The following AARS2 variants were observed in gnomAD, a reference collection of about 807,000 sequenced individuals.
The protein encoded by AARS2 is alanyl-tRNA synthetase 2, mitochondrial.
Under a neutral mutation model 119.7 loss-of-function variants are expected in AARS2, and 78 were observed. That is an observed-to-expected ratio of 0.65 (90% CI 0.54 to 0.79). The LOEUF (loss-of-function observed/expected upper bound fraction) is 0.79. Among genes scored for constraint, AARS2 ranks in the 30% least tolerant of loss-of-function variants. The pLI is 0.00. For synonymous variants in AARS2, 502 were observed against 526.3 expected, an observed-to-expected ratio of 0.95 and a Z score of 0.63; for missense variants, 1,157 against 1,291.3, an observed-to-expected ratio of 0.90 and a Z score of 1.59.
At chr6:44,312,922 C>CT (rs577343374) in intron 1 of AARS2, among the ~76,000 whole-genome samples, 159 bp downstream of exon 1, 6 of 152,304 alleles carry the variant, frequency 3.9e-5, no homozygotes, top group Admixed American at 3.9e-4. Flanking sequence ...TCCCTATACT[C>CT]TGAGCGCCGT....
rs751187394 is a variant in AARS2, at chr6:44,302,486, G to A, written c.2392C>T (p.Gln798Ter). Reference protein sequence around the residue: ...QARELGQSLAQEVKAATERLS... With the variant: ...QARELGQSLA ...CGCTCAGTGGCCGCTTTCACTTCCT[G>A]GGCCAGGCTCTGGCCTAGCTCTCGG... is the stretch of plus-strand genomic sequence containing the variant. Residue 798 changes from glutamine (Q) to a stop codon, truncating the protein, a stop_gained, in exon 18 of 22, where the codon CAG becomes TAG. Transcript: ENST00000244571. LOFTEE classifies it high-confidence loss of function. The A allele has an allele frequency of 2.0e-5, 32 of 1,614,036 alleles. No homozygotes were observed. Among genetic ancestry groups the A allele is most frequent in the Non-Finnish European group, 2.7e-5 (32 of 1,180,048 alleles).
At chr6:44,301,576 C>T in intron 19 of AARS2, 112 bp from the exon 20 acceptor site, 1 of 1,059,998 alleles carries the variant, frequency 9.4e-7, no homozygotes, top group Admixed American at 1.9e-5. Flanking sequence ...CCCCACCCAC[C>T]CCAAAAGTCA....
In AARS2 at chr6:44,310,297, A is replaced by G; in HGVS notation, c.894+2T>C. 1 of 1,593,004 alleles carries G rather than the reference A, an allele frequency of 6.3e-7. No individual in the cohort carries two copies. The highest frequency in any genetic ancestry group is 8.6e-7 in the Non-Finnish European group (1 of 1,169,304). Reference sequence around the variant, plus strand: ...GGCTTCTGGAAGGGAAGAGGCACTCACCTGCTGTATGGCGTTGAGCAGCGG... The same window carrying G: ...GGCTTCTGGAAGGGAAGAGGCACTCGCCTGCTGTATGGCGTTGAGCAGCGG... On this transcript the variant is annotated splice_donor_variant, in intron 5 of 21. Coordinates refer to ENST00000244571, the MANE Select transcript of AARS2 (RefSeq NM_020745.4). LOFTEE classifies it high-confidence loss of function.
At chr6:44,302,731 T>C (rs1785463825) in intron 17 of AARS2, 71 bp downstream of exon 17, 2 of 1,513,670 alleles carry the variant, frequency 1.3e-6, no homozygotes, top group Non-Finnish European at 1.8e-6. Context: ...CCCCTGAGCC[T>C]GAGCATGTCA....
At position 44,305,233 on chromosome 6, in the gene AARS2, G is replaced by T; in HGVS notation, c.1435-35C>A. The T allele has an allele frequency of 6.2e-7, 1 of 1,606,270 alleles. No homozygotes were observed. ...GGGCATGGGCATGGAAGAAGTGCATGGAGAATGAAAGAATGAAAGTGGGAC... is the reference window on the plus strand; with the variant it reads ...GGGCATGGGCATGGAAGAAGTGCATTGAGAATGAAAGAATGAAAGTGGGAC... On this transcript the variant is annotated intron_variant, in intron 10 of 21. Transcript: ENST00000244571. The surrounding 1 kb of genome is among the most constrained non-coding windows in gnomAD (Gnocchi z 4.6).
At position 44,302,152 on chromosome 6, in the gene AARS2, T is replaced by C; in HGVS notation, c.2506A>G (p.Met836Val). The change falls in exon 19 of 22, where the codon ATG becomes GTG. Residue 836 changes from methionine to valine, a missense_variant. Coordinates refer to ENST00000244571, the MANE Select transcript of AARS2 (RefSeq NM_020745.4). Reference protein sequence around the residue: ...RLIEAVETAVMPQWQRRELLA... With the variant: ...RLIEAVETAVVPQWQRRELLA... ...AGCTCCCGCCGCTGCCACTGGGGCA[T>C]CACAGCAGTTTCCACAGCCTATGGC... The C allele has an allele frequency of 6.2e-7, 1 of 1,614,044 alleles. No homozygotes were observed. The highest frequency in any genetic ancestry group is 8.5e-7 in the Non-Finnish European group (1 of 1,180,046).
At chr6:44,304,609 C>T in intron 12 of AARS2, 36 bp downstream of exon 12, 1 of 1,614,196 alleles carries the variant, frequency 6.2e-7, no homozygotes, top group Non-Finnish European at 8.5e-7. Flanking sequence ...GGTCTGCCGC[C>T]CACAGAAATC....
Position 44,305,797 on chromosome 6 carries a change from G to C in AARS2, c.1301-11C>G, listed in dbSNP as rs776436233. ...ACCAGGCCACTTCAGCTTTGAGAAAGAAAGACAAAGAATGTTGAGGAGGGG... is the reference window on the plus strand; with the variant it reads ...ACCAGGCCACTTCAGCTTTGAGAAACAAAGACAAAGAATGTTGAGGAGGGG... On this transcript the variant is annotated splice_polypyrimidine_tract_variant and intron_variant, in intron 9 of 21. Coordinates refer to ENST00000244571, the MANE Select transcript of AARS2 (RefSeq NM_020745.4). This position sits in a 1 kb window ranked among gnomAD's most constrained non-coding sequence, Gnocchi z 4.6. 2 of 1,613,892 alleles carry C rather than the reference G, an allele frequency of 1.2e-6. No individual in the cohort carries two copies. The highest frequency in any genetic ancestry group is 1.3e-5 in the African/African-American group (1 of 74,914).
Position 44,304,954 on chromosome 6 carries a change from T to A in AARS2, c.1579+100A>T, listed in dbSNP as rs535603208. The A allele has an allele frequency of 5.0e-6, 8 of 1,608,478 alleles. No individual in the cohort carries two copies. The Admixed American group carries it at 1.3e-4, about 27-fold the overall frequency. ...GGGCCACAGAGACCCCTGGTGGCCA[T>A]CCTGGGGAATACATAGGGGCTAGCA... On this transcript the variant is annotated intron_variant, in intron 11 of 21. Transcript: ENST00000244571.
Position 44,301,159 on chromosome 6 carries a change from G to A in AARS2, c.2790C>T (p.Ala930=). The A allele has an allele frequency of 6.2e-7, 1 of 1,612,752 alleles. No homozygotes were observed. Among genetic ancestry groups the A allele is most frequent in the Non-Finnish European group, 8.5e-7 (1 of 1,179,478 alleles). The change falls in exon 21 of 22, where the codon GCC becomes GCT. Residue 930 remains alanine, a synonymous_variant. Transcript: ENST00000244571. ...GCTGCTCTCCCACTTCCCTCACCTGGGCCACCTGACAGGCACACAGCACCT... is the reference window on the plus strand; with the variant it reads ...GCTGCTCTCCCACTTCCCTCACCTGAGCCACCTGACAGGCACACAGCACCT... ...MGKVLCACQV[A]QGAMPTFTAE...
chr6:44,301,109 G>C (rs1785315875), intron 21 of AARS2, 47 bp downstream of exon 21: 1 of 1,527,540 alleles, frequency 6.5e-7, no homozygotes, highest in Non-Finnish European at 9.0e-7. Context: ...AGCTGGACCA[G>C]GATGGGTATT....
rs899264217 is a variant in AARS2, at chr6:44,299,317, A to T, written c.*1230T>A. ...GCCTGGAGTGCAGTGGTGCAATCAT[A>T]GCTCACTGCGGCCTTGAATTCCTGG... On this transcript the variant is annotated 3_prime_UTR_variant, in exon 22 of 22. Coordinates refer to ENST00000244571, the MANE Select transcript of AARS2 (RefSeq NM_020745.4). Among the ~76,000 whole-genome samples, 2 of 151,840 alleles carry T rather than the reference A, an allele frequency of 1.3e-5. No homozygotes were observed. The highest frequency in any genetic ancestry group is 4.8e-5 in the African/African-American group (2 of 41,302).
chr6:44,307,552 C>T lies in AARS2; in HGVS notation c.895-158G>A, dbSNP rs753933068. 1.2e-5 allele frequency: 11 copies of T among 903,758 alleles called. No homozygotes were observed. The South Asian group carries it at 1.7e-4, about 14-fold the overall frequency. The allele number at this position is 903,758 out of a possible 1,614,324, so 56.0% of individuals were successfully genotyped here. On this transcript the variant is annotated intron_variant, in intron 5 of 21. Coordinates refer to ENST00000244571, the MANE Select transcript of AARS2 (RefSeq NM_020745.4). The surrounding 1 kb of genome is among the most constrained non-coding windows in gnomAD (Gnocchi z 4.4). The stretch of plus-strand genomic sequence containing the variant: ...GGCTGAGAAGCCTCACAGATGAGCA[C>T]AAGCCAGGCCCTGCCCTCACGGGGC...
chr6:44,299,957 G>C lies in AARS2; in HGVS notation c.*590C>G. The C allele has an allele frequency of 6.5e-6, 1 of 152,948 alleles. No individual in the cohort carries two copies. The highest frequency in any genetic ancestry group is 1.4e-5 in the Non-Finnish European group (1 of 69,834). 9.5% of individuals were successfully genotyped at this position (152,948 alleles called of 1,614,324 possible). The stretch of plus-strand genomic sequence containing the variant: ...AAACTACTCTTTTTTAAAGGTAATA[G>C]AACCTTCTGGAGCTTGCTATCCTCT... On this transcript the variant is annotated 3_prime_UTR_variant, in exon 22 of 22. Transcript: ENST00000244571.
chr6:44,301,789 G>A (rs750031143), intron 19 of AARS2, among the ~76,000 whole-genome samples: 1 of 152,228 alleles, frequency 6.6e-6, no homozygotes, highest in Non-Finnish European at 1.5e-5. Flanking sequence ...CCACAGTGGA[G>A]GTGCAATCAG....
intron 16 of AARS2, 50 bp downstream of exon 16, chr6:44,303,016 G>C (rs1277225607): frequency 1.2e-6 from 2 of 1,608,654 alleles, no homozygotes; most frequent in Non-Finnish European, 1.7e-6. Flanking sequence ...ACCAAGGGAA[G>C]GGCAAGGATC....
At chr6:44,306,186 A>AT in intron 9 of AARS2, 94 bp downstream of exon 9, 1 of 1,164,574 alleles carries the variant, frequency 8.6e-7, no homozygotes, top group South Asian at 1.2e-5. Flanking sequence ...TCAGGGGTGG[A>AT]TATGAGGCAT....
In AARS2 at chr6:44,301,434, G is replaced by A. The variant is rs112247130; in HGVS notation, c.2629C>T (p.Arg877Trp). Reference protein sequence around the residue: ...AAKKTQELLERHSKGPLIVDT... With the variant: ...AAKKTQELLEWHSKGPLIVDT... ...ACAATCAGAGGCCCCTTCGAGTGCC[G>A]CTCCAGCAGCTCCTGAGTTTTCTTT... Residue 877 changes from arginine to tryptophan, a missense_variant, in exon 20 of 22, where the codon CGG (arginine) becomes TGG (tryptophan). By Grantham distance (101) the Arg-to-Trp change is moderately radical. Transcript: ENST00000244571. 2,185 of 1,613,660 alleles carry A rather than the reference G, an allele frequency of 1.4e-3. 31 individuals are homozygous for A. The African/African-American group carries it at 0.025, about 19-fold the overall frequency.
chr6:44,302,144 C>G lies in AARS2; in HGVS notation c.2514G>C (p.Gln838His), dbSNP rs746361792. 8 of 1,614,074 alleles carry G rather than the reference C, an allele frequency of 5.0e-6. No homozygotes were observed. In the South Asian group the frequency reaches 7.7e-5, roughly 16 times the overall value. Residue 838 changes from glutamine to histidine, a missense_variant, in exon 19 of 22, where the codon CAG (glutamine) becomes CAC (histidine). Physicochemically the swap from Gln to His is conservative, Grantham distance 24 (BLOSUM62 0). Coordinates refer to ENST00000244571, the MANE Select transcript of AARS2 (RefSeq NM_020745.4). ...IEAVETAVMP[Q>H]WQRRELLATV... is the part of the protein sequence containing the mutation. ...TGGCCAGCAGCTCCCGCCGCTGCCA[C>G]TGGGGCATCACAGCAGTTTCCACAG...
Sources: allele counts gnomAD v4.1 joint callset (sites outside exome capture counted in the v4.1 genomes callset), GRCh38; gene constraint gnomAD v4.1.1; non-coding constraint Gnocchi (gnomAD v3.1); transcripts MANE v1.5; gene names NCBI Gene and HGNC (gene_info 2026-07-23, HGNC 2026-07-21).